Variants in ACSL5 observed in about 807,000 individuals in gnomAD.
The protein encoded by ACSL5 is acyl-CoA synthetase long chain family member 5.
ACSL5 carries 50 observed loss-of-function variants against 84.9 expected under a neutral mutation model. The observed-to-expected ratio is 0.59, with a 90% CI of 0.47 to 0.75. The LOEUF (loss-of-function observed/expected upper bound fraction) is 0.75. Among genes scored for constraint, ACSL5 ranks in the 30% least tolerant of loss-of-function variants. The probability of loss-of-function intolerance (pLI) is 0.00; values close to 1 mark genes in which losing one functional copy is unlikely to be tolerated. For synonymous variants in ACSL5, 280 were observed against 300.7 expected (o/e 0.93, Z 0.71); for missense variants, 775 against 830.4 (o/e 0.93, Z 0.82).
intron 6 of ACSL5, chr10:112,408,734 A>G (rs1380814623): frequency 4.0e-6 from 2 of 505,032 alleles, no homozygotes; most frequent in South Asian, 2.2e-5. Context: ...CACAGAAAGA[A>G]GTTTCAATGA....
chr10:112,408,387 C>T (rs748878982), intron 5 of ACSL5, 35 bp from the exon 6 acceptor site: 3 of 1,322,860 alleles, frequency 2.3e-6, no homozygotes, highest in Admixed American at 3.4e-5. Context: ...CTTCAGTGTG[C>T]CCTCCAGTCC....
intron 18 of ACSL5, among the ~76,000 whole-genome samples, chr10:112,425,833 C>T (rs1009447171): frequency 6.6e-6 from 1 of 151,640 alleles, no homozygotes; most frequent in East Asian, 1.9e-4. Context: ...CAAACTGTTG[C>T]AATATATATA....
At chr10:112,410,037 G>A (rs544359960) in intron 7 of ACSL5, 21 of 340,594 alleles carry the variant, frequency 6.2e-5, no homozygotes, top group Non-Finnish European at 7.5e-5. Flanking sequence ...CCCTTCTCTC[G>A]GTCCGTAAAA....
intron 1 of ACSL5, among the ~76,000 whole-genome samples, chr10:112,379,385 A>G (rs1221520703): frequency 1.3e-5 from 2 of 148,938 alleles, no homozygotes; most frequent in Non-Finnish European, 3.0e-5. Context: ...AGCCTGGGTG[A>G]CAAGAGTGAA....
chr10:112,404,725 C>T lies in ACSL5; in HGVS notation c.351C>T (p.Tyr117=), dbSNP rs746920890. The T allele has an allele frequency of 6.2e-7, 1 of 1,613,914 alleles. No homozygotes were observed. The highest frequency in any genetic ancestry group is 1.1e-5 in the South Asian group (1 of 91,060). Residue 117 remains tyrosine, a synonymous_variant, in exon 5 of 21, where the codon TAC becomes TAT. Transcript: ENST00000354655. The part of the protein sequence containing the change: ...SYKQVSDRAE[Y]LGSCLLHKGY... ...TGTAGGTGTCTGATAGAGCAGAGTA[C>T]CTGGGTTCCTGTCTCTTGCATAAAG... is the stretch of plus-strand genomic sequence containing the variant.
chr10:112,387,230 A>G (rs1024155037), intron 1 of ACSL5, among the ~76,000 whole-genome samples: 1 of 152,244 alleles, frequency 6.6e-6, no homozygotes, highest in Non-Finnish European at 1.5e-5. Flanking sequence ...TATCCCTAGT[A>G]GAAGAAAACT....
intron 16 of ACSL5, 137 bp from the exon 17 acceptor site, chr10:112,422,188 G>A (rs1295927687): frequency 9.2e-7 from 1 of 1,086,658 alleles, no homozygotes; most frequent in African/African-American, 1.5e-5. Context: ...CCCCTATAGT[G>A]GAGACTTAGA....
chr10:112,408,555 T>C, intron 6 of ACSL5, 34 bp downstream of exon 6: 1 of 1,368,618 alleles, frequency 7.3e-7, no homozygotes, highest in Non-Finnish European at 1.0e-6. Context: ...AACTTGATTC[T>C]TTCTCAATGC....
At chr10:112,382,962 C>T (rs890233636) in intron 1 of ACSL5, among the ~76,000 whole-genome samples, 2 of 152,144 alleles carry the variant, frequency 1.3e-5, no homozygotes, top group Admixed American at 6.6e-5. Flanking sequence ...CACCTCTCGG[C>T]GGAGATGATA....
intron 17 of ACSL5, among the ~76,000 whole-genome samples, chr10:112,422,989 C>A (rs1161597827): frequency 2.0e-5 from 3 of 148,946 alleles, no homozygotes; most frequent in African/African-American, 4.9e-5. Flanking sequence ...GAGATCGAGA[C>A]CATCCTGGCT....
intron 1 of ACSL5, among the ~76,000 whole-genome samples, chr10:112,380,910 AC>A (rs1849336930): frequency 6.6e-6 from 1 of 152,214 alleles, no homozygotes; most frequent in Non-Finnish European, 1.5e-5. Context: ...TCTCCTGAGT[AC>A]CTGGGACTAC....
At chr10:112,426,010 G>T (rs1844679260) in intron 18 of ACSL5, among the ~76,000 whole-genome samples, 1 of 152,170 alleles carries the variant, frequency 6.6e-6, no homozygotes, top group Admixed American at 6.5e-5. Flanking sequence ...CAAGCCAGAG[G>T]CGCTTTAAGC....
At chr10:112,394,279 T>C (rs1843700263) in intron 1 of ACSL5, among the ~76,000 whole-genome samples, 1 of 152,200 alleles carries the variant, frequency 6.6e-6, no homozygotes, top group Non-Finnish European at 1.5e-5. Context: ...CACAGTAAAA[T>C]GATTCCTCTG....
chr10:112,393,866 C>T (rs1589678440), intron 1 of ACSL5, among the ~76,000 whole-genome samples: 1 of 152,190 alleles, frequency 6.6e-6, no homozygotes, highest in Non-Finnish European at 1.5e-5. Flanking sequence ...TATCCCAAAG[C>T]GTCCATTTAC....
chr10:112,422,529 T>C, intron 17 of ACSL5, 88 bp downstream of exon 17: 4 of 1,290,376 alleles, frequency 3.1e-6, no homozygotes, highest in South Asian at 1.3e-5. Flanking sequence ...GAAATGCAAG[T>C]AGGTTAATCA....
intron 1 of ACSL5, among the ~76,000 whole-genome samples, chr10:112,391,587 C>T (rs543758578): frequency 6.6e-6 from 1 of 152,240 alleles, no homozygotes; most frequent in South Asian, 2.1e-4. Flanking sequence ...GTAAATATCT[C>T]CCTTGTTTGT....
chr10:112,401,410 T>C (rs1248168224), intron 3 of ACSL5, among the ~76,000 whole-genome samples: 1 of 152,226 alleles, frequency 6.6e-6, no homozygotes, highest in African/African-American at 2.4e-5. Flanking sequence ...AGCTTTGTAT[T>C]TTTAGCAACA....
At position 112,427,907 on chromosome 10, in the gene ACSL5, G is replaced by A. The variant is rs905842358; in HGVS notation, c.*549G>A. ...TCATATCTATGAGACAAATGTCTCC[G>A]ATGCTCTTCTGCGTAAATTAAATTG... On this transcript the variant is annotated 3_prime_UTR_variant, in exon 21 of 21. Transcript: ENST00000354655. 3 of 152,756 alleles carry A rather than the reference G, an allele frequency of 2.0e-5. No individual in the cohort carries two copies. Among genetic ancestry groups the A allele is most frequent in the African/African-American group, 4.8e-5 (2 of 41,410 alleles). The allele number at this position is 152,756 out of a possible 1,614,324, so 9.5% of individuals were successfully genotyped here.
At chr10:112,407,117 A>G (rs989306182) in intron 5 of ACSL5, among the ~76,000 whole-genome samples, 2 of 151,556 alleles carry the variant, frequency 1.3e-5, no homozygotes, top group Non-Finnish European at 3.0e-5. Context: ...TGAGAATAGC[A>G]CAGGAAAGAC....
Sources: allele counts gnomAD v4.1 joint callset (sites outside exome capture counted in the v4.1 genomes callset), GRCh38; gene constraint gnomAD v4.1.1; transcripts MANE v1.5; gene names NCBI Gene and HGNC (gene_info 2026-07-23, HGNC 2026-07-21).